The following FBXL17 variants were observed in gnomAD, a reference collection of about 807,000 sequenced individuals.
FBXL17 encodes the protein F-box and leucine rich repeat protein 17, also known as F-box/LRR-repeat protein 17.
Under a neutral mutation model 66.2 loss-of-function variants are expected in FBXL17, and 22 were observed. The observed-to-expected ratio is 0.33, with a 90% confidence interval of 0.24 to 0.47. FBXL17 has a LOEUF of 0.47. Ranked by LOEUF, FBXL17 falls within the 20% of genes least tolerant of loss-of-function variation. The probability of loss-of-function intolerance (pLI) is 1.00; values close to 1 mark genes in which losing one functional copy is unlikely to be tolerated. For synonymous variants in FBXL17, 474 were observed against 400.5 expected, an observed-to-expected ratio of 1.18 and a Z score of -2.19; for missense variants, 878 against 948.2, an observed-to-expected ratio of 0.93 and a Z score of 0.97.
At chr5:107,899,002 A>G (rs1489317981) in intron 7 of FBXL17, among the ~76,000 whole-genome samples, 1 of 152,182 alleles carries the variant, frequency 6.6e-6, no homozygotes, top group African/African-American at 2.4e-5. Context: ...TGCTGGATCA[A>G]GTGGTATTTC....
intron 6 of FBXL17, among the ~76,000 whole-genome samples, chr5:108,178,792 A>G (rs1752891782): frequency 1.3e-5 from 2 of 152,160 alleles, no homozygotes; most frequent in African/African-American, 4.8e-5. Flanking sequence ...CCACCTCTTT[A>G]TTTCCAAGTT....
At chr5:107,992,974 C>T (rs887060006) in intron 7 of FBXL17, among the ~76,000 whole-genome samples, 2 of 152,088 alleles carry the variant, frequency 1.3e-5, no homozygotes, top group Admixed American at 1.3e-4. Context: ...CGGCTCACTG[C>T]GAGCTCCACC....
chr5:108,381,344 G>A lies in FBXL17; in HGVS notation c.348C>T (p.Ala116=). Residue 116 remains alanine (A), a synonymous_variant, in exon 1 of 9, where the codon GCC becomes GCT. Transcript: ENST00000542267. ...ALAAEDCAAA[A]RRFLLSSAAA... is the part of the protein sequence containing the mutation. ...CGGCCGAGGATAGCAGGAAGCGGCG[G>A]GCAGCAGCGGCGCAGTCCTCGGCGG... 7.3e-7 allele frequency: 1 copy of A among 1,371,122 alleles called. No individual in the cohort carries two copies. Among genetic ancestry groups the A allele is most frequent in the South Asian group, 1.7e-5 (1 of 58,932 alleles). 84.9% of individuals were successfully genotyped at this position (1,371,122 alleles called of 1,614,324 possible).
At chr5:108,020,693 C>T (rs919506320) in intron 7 of FBXL17, 6 of 336,774 alleles carry the variant, frequency 1.8e-5, no homozygotes, top group South Asian at 7.0e-5. Flanking sequence ...TGCAAACATA[C>T]ATGTGTGCAT....
In FBXL17 at chr5:108,154,882, G is replaced by A. The variant is rs184455838; in HGVS notation, c.1745+31235C>T. ...TTACAGACTGCTCTGAAAGCAGGAAGCAAAAAATGAAGTCAAGAAACGGGA... is the reference window on the plus strand; with the variant it reads ...TTACAGACTGCTCTGAAAGCAGGAAACAAAAAATGAAGTCAAGAAACGGGA... On this transcript the variant is annotated intron_variant, in intron 6 of 8. Coordinates refer to ENST00000542267, the MANE Select transcript of FBXL17 (RefSeq NM_001163315.3). 6.3e-3 allele frequency among the ~76,000 whole-genome samples: 953 copies of A among 151,672 alleles called. 12 individuals are homozygous for A. The highest frequency in any genetic ancestry group is 0.022 in the African/African-American group (894 of 41,408).
At chr5:107,927,911 C>G (rs1271688565) in intron 7 of FBXL17, among the ~76,000 whole-genome samples, 1 of 152,012 alleles carries the variant, frequency 6.6e-6, no homozygotes, top group Non-Finnish European at 1.5e-5. Context: ...TTCACCTCCT[C>G]TTATAACTGA....
intron 4 of FBXL17, among the ~76,000 whole-genome samples, chr5:108,243,719 G>C (rs1755966512): frequency 6.6e-6 from 1 of 152,100 alleles, no homozygotes; most frequent in African/African-American, 2.4e-5. Context: ...GACTAAAAAA[G>C]AAATGTACAA....
intron 4 of FBXL17, among the ~76,000 whole-genome samples, chr5:108,229,210 A>C (rs891730324): frequency 1.3e-5 from 2 of 152,128 alleles, no homozygotes; most frequent in African/African-American, 4.8e-5. Flanking sequence ...AAACAATCCT[A>C]AAATTCATAT....
At chr5:108,277,064 A>G (rs1438043270) in intron 4 of FBXL17, among the ~76,000 whole-genome samples, 2 of 152,194 alleles carry the variant, frequency 1.3e-5, no homozygotes, top group African/African-American at 4.8e-5. Flanking sequence ...ATTACTTAAA[A>G]TAAATGCCAT....
intron 6 of FBXL17, among the ~76,000 whole-genome samples, chr5:108,031,739 G>GTA: frequency 6.6e-6 from 1 of 152,240 alleles, no homozygotes; most frequent in South Asian, 2.1e-4. Flanking sequence ...TAATAAAACA[G>GTA]AGATGATACT....
intron 8 of FBXL17, among the ~76,000 whole-genome samples, chr5:107,877,413 G>C (rs1200607831): frequency 6.6e-6 from 1 of 152,154 alleles, no homozygotes; most frequent in Non-Finnish European, 1.5e-5. Context: ...GCGGGTGGGG[G>C]TCGTGGGGGG....
chr5:108,057,205 A>T (rs1444940637), intron 6 of FBXL17, among the ~76,000 whole-genome samples: 1 of 152,232 alleles, frequency 6.6e-6, no homozygotes, highest in Non-Finnish European at 1.5e-5. Flanking sequence ...GTTTACAAAA[A>T]AATGCCTTAA....
At chr5:108,340,356 G>A (rs1417660153) in intron 4 of FBXL17, among the ~76,000 whole-genome samples, 1 of 148,954 alleles carries the variant, frequency 6.7e-6, no homozygotes, top group East Asian at 2.0e-4. Flanking sequence ...TTCGAGACCA[G>A]CCTGGGCAAT....
chr5:108,127,358 GA>G (rs1201153227), intron 6 of FBXL17, among the ~76,000 whole-genome samples: 3 of 152,154 alleles, frequency 2.0e-5, no homozygotes, highest in African/African-American at 7.2e-5. Flanking sequence ...AACATAGTAA[GA>G]AAGAAAACAG....
chr5:108,317,668 A>G (rs1431656225), intron 4 of FBXL17, among the ~76,000 whole-genome samples: 1 of 151,422 alleles, frequency 6.6e-6, no homozygotes, highest in East Asian at 1.9e-4. Context: ...ACATCTTAAT[A>G]TGCCAAATTC....
intron 4 of FBXL17, among the ~76,000 whole-genome samples, chr5:108,233,795 C>T (rs1755475656): frequency 6.6e-6 from 1 of 152,162 alleles, no homozygotes; most frequent in Non-Finnish European, 1.5e-5. Context: ...CAACACACAT[C>T]AAGATCCTAG....
intron 5 of FBXL17, 108 bp from the exon 6 acceptor site, chr5:108,186,355 A>C (rs1205017350): frequency 4.8e-6 from 4 of 839,556 alleles, no homozygotes; most frequent in Admixed American, 2.6e-5. Context: ...AAAATATTTA[A>C]AACAGATAGG....
chr5:108,167,985 G>A (rs911408185), intron 6 of FBXL17, among the ~76,000 whole-genome samples: 6 of 152,070 alleles, frequency 3.9e-5, no homozygotes, highest in Admixed American at 2.0e-4. Context: ...AGATCATATC[G>A]TTGCTCCTGG....
intron 6 of FBXL17, among the ~76,000 whole-genome samples, chr5:108,143,132 C>A (rs542118421): frequency 3.3e-5 from 5 of 151,872 alleles, no homozygotes; most frequent in Admixed American, 2.6e-4. Flanking sequence ...ACCAACCGCT[C>A]CCCGACCCCG....
Sources: gnomAD v4.1 joint callset for allele counts (sites outside exome capture counted in the v4.1 genomes callset) on GRCh38, gnomAD v4.1.1 for gene constraint, MANE v1.5 for transcripts, NCBI Gene and HGNC (gene_info 2026-07-23, HGNC 2026-07-21) for gene names.